Variants in UBE2E2 observed in about 807,000 individuals in gnomAD.
UBE2E2 encodes the protein ubiquitin-conjugating enzyme E2 E2.
In UBE2E2, 6 loss-of-function variants were observed where a neutral mutation model predicts 24.7. The ratio of observed to expected loss-of-function variants is 0.24; its 90% CI spans 0.13 to 0.48. UBE2E2 has a LOEUF of 0.48. Among genes scored for constraint, UBE2E2 ranks in the 20% least tolerant of loss-of-function variants. The probability of loss-of-function intolerance (pLI) is 0.99; values close to 1 mark genes in which losing one functional copy is unlikely to be tolerated. For missense variants in UBE2E2, 169 were observed against 245.0 expected, an observed-to-expected ratio of 0.69 and a Z score of 2.07; for synonymous variants, 104 against 83.6, an observed-to-expected ratio of 1.24 and a Z score of -1.33.
At chr3:23,209,825 G>A (rs1283378652) in intron 2 of UBE2E2, among the ~76,000 whole-genome samples, 4 of 152,162 alleles carry the variant, frequency 2.6e-5, no homozygotes, top group African/African-American at 4.8e-5. Flanking sequence ...GGTGAGAGAT[G>A]TTGGAGGGAT....
At chr3:23,434,124 A>G (rs992892007) in intron 3 of UBE2E2, among the ~76,000 whole-genome samples, 2 of 152,076 alleles carry the variant, frequency 1.3e-5, no homozygotes. Flanking sequence ...GAGACCAGCT[A>G]ATACACTTAA....
At position 23,297,917 on chromosome 3, in the gene UBE2E2, G is replaced by T. The variant is rs541031742; in HGVS notation, c.227+80605G>T. 6.5e-4 allele frequency among the ~76,000 whole-genome samples: 99 copies of T among 152,156 alleles called. 1 individual carries two copies. In the East Asian group the frequency reaches 0.017, roughly 26 times the overall value. The stretch of plus-strand genomic sequence containing the variant: ...CACGATATTGATTCTTCCTACCCAT[G>T]AGTATGGAATGTTCTTCCATTTCTT... On this transcript the variant is annotated intron_variant, in intron 3 of 5. Coordinates refer to ENST00000396703, the MANE Select transcript of UBE2E2 (RefSeq NM_152653.4).
At chr3:23,340,180 A>G (rs1001009661) in intron 3 of UBE2E2, among the ~76,000 whole-genome samples, 9 of 152,110 alleles carry the variant, frequency 5.9e-5, no homozygotes, top group African/African-American at 2.2e-4. Context: ...TAAAAGATGT[A>G]TATATTCTAC....
At chr3:23,443,998 G>T (rs745724229) in intron 3 of UBE2E2, among the ~76,000 whole-genome samples, 1 of 151,734 alleles carries the variant, frequency 6.6e-6, no homozygotes, top group Non-Finnish European at 1.5e-5. Flanking sequence ...TTCTGCTGCA[G>T]CTGACCGTGA....
chr3:23,470,149 C>T (rs1409637292), intron 3 of UBE2E2, among the ~76,000 whole-genome samples: 1 of 152,198 alleles, frequency 6.6e-6, no homozygotes, highest in Non-Finnish European at 1.5e-5. Context: ...TAGGATCCAC[C>T]AGGAGGTCCT....
intron 3 of UBE2E2, among the ~76,000 whole-genome samples, chr3:23,411,940 G>A (rs917847543): frequency 6.6e-6 from 1 of 152,046 alleles, no homozygotes; most frequent in Non-Finnish European, 1.5e-5. Context: ...CAGTACAAAC[G>A]AAATCACAGT....
chr3:23,444,875 A>T (rs751336650), intron 3 of UBE2E2, among the ~76,000 whole-genome samples: 3 of 152,148 alleles, frequency 2.0e-5, no homozygotes, highest in Non-Finnish European at 2.9e-5. Flanking sequence ...TAGATCAGTT[A>T]TTTTATAAGC....
chr3:23,306,000 T>G (rs1188325384), intron 3 of UBE2E2, among the ~76,000 whole-genome samples: 1 of 152,240 alleles, frequency 6.6e-6, no homozygotes, highest in Non-Finnish European at 1.5e-5. Flanking sequence ...TTTATTATTT[T>G]GTTCAAGGGC....
At chr3:23,518,438 C>A (rs955294907) in intron 4 of UBE2E2, among the ~76,000 whole-genome samples, 1 of 152,192 alleles carries the variant, frequency 6.6e-6, no homozygotes, top group African/African-American at 2.4e-5. Flanking sequence ...AAAAGTAATT[C>A]TTGAATGCTT....
intron 4 of UBE2E2, among the ~76,000 whole-genome samples, chr3:23,510,811 G>C (rs182187870): frequency 1.6e-3 from 242 of 152,204 alleles, no homozygotes; most frequent in African/African-American, 5.6e-3. Flanking sequence ...TAAAGCAGAG[G>C]TTTATTGAGC....
At chr3:23,525,933 CATT>C (rs1694986261) in intron 4 of UBE2E2, among the ~76,000 whole-genome samples, 1 of 152,194 alleles carries the variant, frequency 6.6e-6, no homozygotes, top group African/African-American at 2.4e-5. Context: ...CTATTCAAAA[CATT>C]ATTTCCTATT....
At chr3:23,314,660 G>A (rs1283903777) in intron 3 of UBE2E2, among the ~76,000 whole-genome samples, 2 of 152,160 alleles carry the variant, frequency 1.3e-5, no homozygotes, top group African/African-American at 4.8e-5. Context: ...AAATCCCTCA[G>A]CTTTTGTTTG....
At chr3:23,355,046 G>A (rs1695900101) in intron 3 of UBE2E2, among the ~76,000 whole-genome samples, 2 of 151,960 alleles carry the variant, frequency 1.3e-5, no homozygotes, top group Admixed American at 1.3e-4. Flanking sequence ...ATACTATGCA[G>A]CCATAAAAAA....
At chr3:23,454,882 G>GT (rs1407036415) in intron 3 of UBE2E2, among the ~76,000 whole-genome samples, 14 of 152,104 alleles carry the variant, frequency 9.2e-5, no homozygotes, top group African/African-American at 3.1e-4. Flanking sequence ...CATAGAAAAT[G>GT]TTAGGAATTT....
At chr3:23,214,204 G>T (rs1387043014) in intron 2 of UBE2E2, among the ~76,000 whole-genome samples, 1 of 151,984 alleles carries the variant, frequency 6.6e-6, no homozygotes, top group African/African-American at 2.4e-5. Flanking sequence ...AGAATTATAG[G>T]GATCTGGAGT....
chr3:23,230,040 TA>T (rs762847247), intron 3 of UBE2E2, among the ~76,000 whole-genome samples: 71 of 152,326 alleles, frequency 4.7e-4, no homozygotes, highest in Middle Eastern at 6.8e-3. Context: ...AATACATATA[TA>T]CATAACTACA....
At chr3:23,305,227 A>G (rs1559341282) in intron 3 of UBE2E2, among the ~76,000 whole-genome samples, 1 of 152,204 alleles carries the variant, frequency 6.6e-6, no homozygotes, top group African/African-American at 2.4e-5. Context: ...TTTGTCCATC[A>G]TTGTTTCAAT....
intron 3 of UBE2E2, among the ~76,000 whole-genome samples, chr3:23,300,108 C>T (rs1214439315): frequency 2.6e-5 from 4 of 152,064 alleles, no homozygotes; most frequent in African/African-American, 4.8e-5. Context: ...GATTGCAACC[C>T]CTGCCTTTTT....
At chr3:23,490,740 A>C (rs1391909238) in intron 3 of UBE2E2, among the ~76,000 whole-genome samples, 1 of 152,188 alleles carries the variant, frequency 6.6e-6, no homozygotes, top group Admixed American at 6.5e-5. Context: ...ATTAAGTAGT[A>C]GTTATTTTTT....
Sources: gnomAD v4.1 joint callset for allele counts (sites outside exome capture counted in the v4.1 genomes callset) on GRCh38, gnomAD v4.1.1 for gene constraint, MANE v1.5 for transcripts, NCBI Gene and HGNC (gene_info 2026-07-23, HGNC 2026-07-21) for gene names.